The following SPHKAP variants were observed in gnomAD, a reference collection of about 807,000 sequenced individuals.
SPHKAP encodes the protein SPHK1 interactor, AKAP domain containing, also known as A-kinase anchor protein SPHKAP.
Under a neutral mutation model 137.5 loss-of-function variants are expected in SPHKAP, and 67 were observed. The observed-to-expected ratio is 0.49, with a 90% CI of 0.40 to 0.60. The LOEUF (loss-of-function observed/expected upper bound fraction) is 0.60. SPHKAP is among the 20% of genes least tolerant of loss of function. The pLI is 0.00. For synonymous variants in SPHKAP, 813 were observed against 785.3 expected (o/e 1.04, Z -0.59); for missense variants, 2,097 against 2,069.3 (o/e 1.01, Z -0.26).
Position 228,025,559 on chromosome 2 carries a change from T to C in SPHKAP, c.307-31A>G, listed in dbSNP as rs754260881. On this transcript the variant is annotated intron_variant, in intron 4 of 11. Transcript: ENST00000392056. Reference sequence around the variant, plus strand: ...AAGCAAGAATCTTTATTAGTTTAGCTGATTTCTTTTCACCAAATACTACTC... The same window carrying C: ...AAGCAAGAATCTTTATTAGTTTAGCCGATTTCTTTTCACCAAATACTACTC... 1.9e-6 allele frequency: 3 copies of C among 1,608,784 alleles called. No homozygotes were observed. The East Asian group carries it at 6.7e-5, about 36-fold the overall frequency.
At chr2:228,113,511 GACATTAGAGC>G (rs1312229083) in intron 2 of SPHKAP, among the ~76,000 whole-genome samples, 1 of 151,614 alleles carries the variant, frequency 6.6e-6, no homozygotes, top group Non-Finnish European at 1.5e-5. Context: ...CAGGCTCCCA[GACATTAGAGC>G]CTCCACTAAG....
At chr2:228,164,812 A>C (rs893253105) in intron 1 of SPHKAP, among the ~76,000 whole-genome samples, 1 of 151,924 alleles carries the variant, frequency 6.6e-6, no homozygotes, top group African/African-American at 2.4e-5. Flanking sequence ...CTGCCAGAGC[A>C]CTCTTCCTCA....
chr2:228,066,703 C>T (rs1432437519), intron 3 of SPHKAP, among the ~76,000 whole-genome samples: 1 of 152,180 alleles, frequency 6.6e-6, no homozygotes, highest in African/African-American at 2.4e-5. Context: ...ATGCTCATTG[C>T]AGTTTCCATG....
At chr2:228,161,431 T>C (rs956858274) in intron 1 of SPHKAP, among the ~76,000 whole-genome samples, 4 of 152,102 alleles carry the variant, frequency 2.6e-5, no homozygotes, top group Non-Finnish European at 4.4e-5. Context: ...AAGAAAAAAG[T>C]TCGTAAGATA....
rs149486620 is a variant in SPHKAP at position 228,145,862 on chromosome 2, T to A, written c.33-13777A>T. Among the ~76,000 whole-genome samples the A allele has an allele frequency of 8.3e-3, 1,263 of 152,210 alleles. 14 individuals are homozygous for A. The highest frequency in any genetic ancestry group is 0.028 in the African/African-American group (1,183 of 41,540). On this transcript the variant is annotated intron_variant, in intron 1 of 11. Coordinates refer to ENST00000392056, the MANE Select transcript of SPHKAP (RefSeq NM_001142644.2). ...GAGTTTCTGTCTTCTCTGGAAAATG[T>A]GGTAAATGGGGCTACACTGGGCAGT...
chr2:228,171,462 A>G (rs1057012349), intron 1 of SPHKAP, among the ~76,000 whole-genome samples: 2 of 152,148 alleles, frequency 1.3e-5, no homozygotes, highest in African/African-American at 2.4e-5. Context: ...GCCTTTTTAT[A>G]AGTTTGCTTA....
At chr2:228,170,385 T>C (rs1238372067) in intron 1 of SPHKAP, among the ~76,000 whole-genome samples, 1 of 152,222 alleles carries the variant, frequency 6.6e-6, no homozygotes, top group African/African-American at 2.4e-5. Context: ...ATTTTGAAAG[T>C]TCTACTATGG....
chr2:228,005,689 A>T (rs374752483), intron 7 of SPHKAP, among the ~76,000 whole-genome samples: 2 of 152,112 alleles, frequency 1.3e-5, no homozygotes, highest in African/African-American at 2.4e-5. Context: ...GGCTGGTACC[A>T]GTTGTTCCTT....
intron 3 of SPHKAP, among the ~76,000 whole-genome samples, chr2:228,107,091 A>C (rs1482262846): frequency 6.6e-6 from 1 of 152,048 alleles, no homozygotes; most frequent in Non-Finnish European, 1.5e-5. Context: ...TTGGCTGAGA[A>C]CACTTAAAAT....
At chr2:228,113,801 G>C (rs1213365636) in intron 2 of SPHKAP, among the ~76,000 whole-genome samples, 1 of 151,934 alleles carries the variant, frequency 6.6e-6, no homozygotes, top group Non-Finnish European at 1.5e-5. Flanking sequence ...TACCATGTAA[G>C]TCTCCTCCTC....
chr2:228,001,919 A>T (rs995256331), intron 7 of SPHKAP, among the ~76,000 whole-genome samples: 8 of 152,144 alleles, frequency 5.3e-5, no homozygotes, highest in Non-Finnish European at 1.2e-4. Context: ...TTATGGCTGC[A>T]TAGTATTCCA....
At chr2:228,101,295 T>C (rs1331986358) in intron 3 of SPHKAP, among the ~76,000 whole-genome samples, 2 of 152,242 alleles carry the variant, frequency 1.3e-5, no homozygotes, top group Non-Finnish European at 2.9e-5. Context: ...TTCTCTCTTT[T>C]CTTCATGTAA....
At chr2:227,997,776 A>G (rs535735221) in intron 7 of SPHKAP, among the ~76,000 whole-genome samples, 3 of 152,290 alleles carry the variant, frequency 2.0e-5, no homozygotes, top group Admixed American at 2.0e-4. Flanking sequence ...ATTCTAGTAC[A>G]TATAGTTATT....
rs139048475 is a variant in SPHKAP at position 228,030,291 on chromosome 2, G to A, written c.247-2748C>T. On this transcript the variant is annotated intron_variant, in intron 3 of 11. Transcript: ENST00000392056. ...AGCACTTTGGGAGGCCAAGGTGGGC[G>A]GATCAAGAGGTCAAGAGATTGAGAC... 4.4e-3 allele frequency among the ~76,000 whole-genome samples: 667 copies of A among 152,064 alleles called. 5 individuals are homozygous for A. The highest frequency in any genetic ancestry group is 0.015 in the African/African-American group (626 of 41,486).
chr2:228,138,297 G>A (rs1275216237), intron 1 of SPHKAP, among the ~76,000 whole-genome samples: 1 of 152,058 alleles, frequency 6.6e-6, no homozygotes, highest in Admixed American at 6.6e-5. Context: ...ATTTCCACTC[G>A]TCCTTGCTGT....
chr2:228,160,144 G>C (rs1700231944), intron 1 of SPHKAP, among the ~76,000 whole-genome samples: 1 of 152,326 alleles, frequency 6.6e-6, no homozygotes, highest in Non-Finnish European at 1.5e-5. Flanking sequence ...AATTGATGCT[G>C]TCAGTGGAAT....
At chr2:228,130,105 A>AT in intron 2 of SPHKAP, among the ~76,000 whole-genome samples, 1 of 152,008 alleles carries the variant, frequency 6.6e-6, no homozygotes, top group Non-Finnish European at 1.5e-5. Flanking sequence ...ACCAGTTTTA[A>AT]TTTTTTGAGT....
At chr2:228,062,932 C>T (rs1696701643) in intron 3 of SPHKAP, among the ~76,000 whole-genome samples, 1 of 152,068 alleles carries the variant, frequency 6.6e-6, no homozygotes, top group African/African-American at 2.4e-5. Flanking sequence ...GAGAAAATAA[C>T]TTGGTTGGTC....
At chr2:228,119,257 C>T (rs886599968) in intron 2 of SPHKAP, among the ~76,000 whole-genome samples, 12 of 152,030 alleles carry the variant, frequency 7.9e-5, no homozygotes, top group African/African-American at 2.9e-4. Flanking sequence ...AATGAAGGTT[C>T]CCAGTAGTGG....
Sources: allele counts gnomAD v4.1 joint callset (sites outside exome capture counted in the v4.1 genomes callset), GRCh38; gene constraint gnomAD v4.1.1; transcripts MANE v1.5; gene names NCBI Gene and HGNC (gene_info 2026-07-23, HGNC 2026-07-21).